Variants in USP7 observed in about 807,000 individuals in gnomAD.
The protein encoded by USP7 is ubiquitin C-terminal hydrolase 7.
Under a neutral mutation model 162.9 loss-of-function variants are expected in USP7, and 9 were observed. The observed-to-expected ratio is 0.06, with a 90% CI of 0.03 to 0.10. The LOEUF is 0.10. Ranked by LOEUF, USP7 falls within the 10% of genes least tolerant of loss-of-function variation. The probability of loss-of-function intolerance (pLI) is 1.00; values close to 1 mark genes in which losing one functional copy is unlikely to be tolerated. For missense variants in USP7, 715 were observed against 1,373.7 expected (o/e 0.52, Z 7.58); for synonymous variants, 562 against 475.9 (o/e 1.18, Z -2.35).
At chr16:8,923,452 A>G (rs113410530) in intron 2 of USP7, 39 bp from the exon 3 acceptor site, 1 of 1,604,180 alleles carries the variant, frequency 6.2e-7, no homozygotes, top group Non-Finnish European at 8.5e-7. Flanking sequence ...GAGCCTGTGC[A>G]TTGACCAAAA....
At chr16:8,958,409 G>A (rs916677982) in intron 1 of USP7, among the ~76,000 whole-genome samples, 1 of 152,238 alleles carries the variant, frequency 6.6e-6, no homozygotes, top group Non-Finnish European at 1.5e-5. Flanking sequence ...CTGTAGAGAA[G>A]GCAGGACACC....
At position 8,963,383 on chromosome 16, in the gene USP7, G is replaced by T; in HGVS notation, c.-98C>A. 4.0e-6 allele frequency: 1 copy of T among 249,086 alleles called. No individual in the cohort carries two copies. Among genetic ancestry groups the T allele is most frequent in the South Asian group, 1.4e-4 (1 of 7,398 alleles). 15.4% of individuals were successfully genotyped at this position (249,086 alleles called of 1,614,324 possible). Reference sequence around the variant, plus strand: ...CCGGGGCGGCGGCGGCGGCGGCGGCGGCGGGGCGGCCTCCTCCTCCTCCTC... The same window carrying T: ...CCGGGGCGGCGGCGGCGGCGGCGGCTGCGGGGCGGCCTCCTCCTCCTCCTC... On this transcript the variant is annotated 5_prime_UTR_variant, in exon 1 of 31. Transcript: ENST00000344836.
chr16:8,903,332 G>C lies in USP7; in HGVS notation c.1775C>G (p.Thr592Ser), dbSNP rs1449987707. 4.3e-6 allele frequency: 7 copies of C among 1,614,174 alleles called. No individual in the cohort carries two copies. Among genetic ancestry groups the C allele is most frequent in the Non-Finnish European group, 5.1e-6 (6 of 1,180,014 alleles). ...GGAGTTCTTCAATACTTTGAACACA[G>C]TGTATTTCACTTTTTCTTCATCGTA... The part of the protein sequence containing the change: ...DMYDEEKVKY[T>S]VFKVLKNSSL... Residue 592 changes from threonine to serine, a missense_variant, in exon 16 of 31, where the codon ACT becomes AGT. Physicochemically the swap from Thr to Ser is moderately conservative, Grantham distance 58 (BLOSUM62 1). Coordinates refer to ENST00000344836, the MANE Select transcript of USP7 (RefSeq NM_003470.3).
At chr16:8,916,429 A>G in intron 8 of USP7, 73 bp downstream of exon 8, 1 of 1,472,424 alleles carries the variant, frequency 6.8e-7, no homozygotes. Context: ...CTGAGGTTTT[A>G]CTTGGTAATA....
In USP7 at chr16:8,930,360, G is replaced by C. The variant is rs747795179; in HGVS notation, c.117C>G (p.Asn39Lys). 1 of 1,612,894 alleles carries C rather than the reference G, an allele frequency of 6.2e-7. No individual in the cohort carries two copies. The highest frequency in any genetic ancestry group is 1.1e-5 in the South Asian group (1 of 90,874). ...DTDDPPRITQ[N>K]PVINGNVALS... The stretch of plus-strand genomic sequence containing the variant: ...GGGCCACATTCCCATTGATCACAGG[G>C]TTCTGAGTAATTCTTGGTGGGTCAT... Residue 39 changes from asparagine to lysine, a missense_variant, in exon 2 of 31, where the codon AAC becomes AAG. Asn to Lys is a moderately conservative substitution (Grantham distance 94, BLOSUM62 0). Around this residue, in one of 11 missense-constraint regions of USP7, gnomAD observed 137 missense variants for 123.5 expected, o/e 1.11. Coordinates refer to ENST00000344836, the MANE Select transcript of USP7 (RefSeq NM_003470.3).
intron 1 of USP7, among the ~76,000 whole-genome samples, chr16:8,944,200 C>A (rs1899178448): frequency 6.7e-6 from 1 of 148,684 alleles, no homozygotes; most frequent in Non-Finnish European, 1.5e-5. Context: ...ACTCTTAAAA[C>A]AAAAGCAAAA....
chr16:8,955,867 C>T (rs547125373), intron 1 of USP7, among the ~76,000 whole-genome samples: 1 of 152,270 alleles, frequency 6.6e-6, no homozygotes, highest in South Asian at 2.1e-4. Flanking sequence ...TCAGCCTACA[C>T]ATTCAGAGGA....
At chr16:8,957,740 G>C (rs1899866902) in intron 1 of USP7, among the ~76,000 whole-genome samples, 1 of 150,688 alleles carries the variant, frequency 6.6e-6, no homozygotes, top group East Asian at 1.9e-4. Context: ...CAGAGCAACA[G>C]AGCAAGACCC....
chr16:8,906,716 T>C, intron 12 of USP7, 134 bp from the exon 13 acceptor site: 3 of 829,292 alleles, frequency 3.6e-6, no homozygotes, highest in Non-Finnish European at 5.5e-6. Context: ...GGAAGGCCTA[T>C]GAAGTACATA....
At chr16:8,937,614 A>G (rs912183912) in intron 1 of USP7, among the ~76,000 whole-genome samples, 5 of 152,048 alleles carry the variant, frequency 3.3e-5, no homozygotes, top group African/African-American at 1.2e-4. Flanking sequence ...GTGGGACGTA[A>G]AGGCTGCAGT....
intron 1 of USP7, among the ~76,000 whole-genome samples, chr16:8,939,856 T>C (rs1052625648): frequency 6.6e-6 from 1 of 152,196 alleles, no homozygotes; most frequent in Non-Finnish European, 1.5e-5. Context: ...TCACAGCACT[T>C]TGGGAGGCCA....
At chr16:8,904,219 C>A (rs566280100) in intron 15 of USP7, among the ~76,000 whole-genome samples, 6 of 152,198 alleles carry the variant, frequency 3.9e-5, no homozygotes, top group East Asian at 1.9e-4. Context: ...CAGGAGAGCA[C>A]GTGGAGCAGC....
intron 10 of USP7, among the ~76,000 whole-genome samples, chr16:8,911,423 A>AGT: frequency 6.6e-6 from 1 of 152,372 alleles, no homozygotes; most frequent in Admixed American, 6.5e-5. Context: ...TGAAAGGGCG[A>AGT]GCCACATGCT....
intron 11 of USP7, among the ~76,000 whole-genome samples, chr16:8,909,259 G>GCTCTATTTCCAATGCAGAC (rs1283972539): frequency 4.6e-5 from 7 of 152,192 alleles, no homozygotes; most frequent in Non-Finnish European, 8.8e-5. Context: ...CTGACTCACA[G>GCTCTATTTCCAATGCAGAC]CTCTATTTCC....
At chr16:8,963,139 C>A (rs2141272664) in intron 1 of USP7, 68 bp downstream of exon 1, 2 of 1,309,008 alleles carry the variant, frequency 1.5e-6, no homozygotes, top group African/African-American at 1.6e-5. Context: ...TCGCGTGGCT[C>A]CCGCGGCTCC....
intron 25 of USP7, among the ~76,000 whole-genome samples, chr16:8,897,730 TA>T (rs2061710091): frequency 1.4e-5 from 1 of 70,164 alleles, no homozygotes; most frequent in African/African-American, 5.2e-5. Context: ...AAAAAAAATA[TA>T]TATATATATA....
chr16:8,913,802 G>A (rs1237807560), intron 10 of USP7, among the ~76,000 whole-genome samples: 1 of 151,936 alleles, frequency 6.6e-6, no homozygotes. Context: ...CCAGGCTGCA[G>A]TGCAGTGGCA....
chr16:8,922,505 C>T (rs1369036060), intron 3 of USP7, among the ~76,000 whole-genome samples: 1 of 152,124 alleles, frequency 6.6e-6, no homozygotes, highest in African/African-American at 2.4e-5. Flanking sequence ...CCTGGGGGAT[C>T]TGACAGAACA....
At chr16:8,911,559 C>T (rs1044330237) in intron 10 of USP7, among the ~76,000 whole-genome samples, 5 of 152,210 alleles carry the variant, frequency 3.3e-5, no homozygotes, top group African/African-American at 1.2e-4. Context: ...ACGCTCCGGA[C>T]ACATGCGGTA....
Sources: allele counts gnomAD v4.1 joint callset (sites outside exome capture counted in the v4.1 genomes callset), GRCh38; gene constraint gnomAD v4.1.1; regional missense constraint gnomAD v4.1.1; transcripts MANE v1.5; gene names NCBI Gene and HGNC (gene_info 2026-07-23, HGNC 2026-07-21).